PRKN: variants seen among roughly 807,000 people sequenced by gnomAD.
PRKN encodes the protein E3 ubiquitin-protein ligase parkin.
Under a neutral mutation model 59.5 loss-of-function variants are expected in PRKN, and 56 were observed. The observed-to-expected ratio is 0.94, with a 90% CI of 0.76 to 1.18. PRKN has a LOEUF of 1.18. Ranked by LOEUF, PRKN falls within the 50% of genes most tolerant of loss-of-function variation. The probability of loss-of-function intolerance (pLI) is 0.00; values close to 1 mark genes in which losing one functional copy is unlikely to be tolerated. For missense variants in PRKN, 657 were observed against 596.4 expected, an observed-to-expected ratio of 1.10 and a Z score of -1.06; for synonymous variants, 250 against 222.1, an observed-to-expected ratio of 1.13 and a Z score of -1.12.
intron 9 of PRKN, among the ~76,000 whole-genome samples, chr6:161,508,426 A>G (rs528578775): frequency 6.6e-6 from 1 of 152,322 alleles, no homozygotes; most frequent in Non-Finnish European, 1.5e-5. Context: ...AATATTTTTA[A>G]GTATTTTCTT....
At chr6:162,140,025 T>C (rs1401245428) in intron 4 of PRKN, among the ~76,000 whole-genome samples, 1 of 152,224 alleles carries the variant, frequency 6.6e-6, no homozygotes, top group Non-Finnish European at 1.5e-5. Flanking sequence ...AAAAAGGCAC[T>C]CTGCATGTGA....
intron 1 of PRKN, among the ~76,000 whole-genome samples, chr6:162,493,261 C>A (rs61084735): frequency 0.16 from 24,339 of 152,120 alleles, 2,146 homozygotes; most frequent in Non-Finnish European, 0.18. Flanking sequence ...AGAGGAAGGA[C>A]CAAAGGTGAC....
At chr6:161,814,347 A>G (rs939168248) in intron 6 of PRKN, among the ~76,000 whole-genome samples, 4 of 152,220 alleles carry the variant, frequency 2.6e-5, no homozygotes, top group Non-Finnish European at 5.9e-5. Flanking sequence ...AGAGGTTTCT[A>G]AAGAGACACA....
At chr6:162,319,331 G>A (rs765212981) in intron 2 of PRKN, among the ~76,000 whole-genome samples, 10 of 151,946 alleles carry the variant, frequency 6.6e-5, no homozygotes, top group African/African-American at 9.7e-5. Flanking sequence ...CACAAAGAAA[G>A]TTGAGAACTA....
chr6:162,306,124 T>C (rs1199502518), intron 2 of PRKN, among the ~76,000 whole-genome samples: 1 of 144,562 alleles, frequency 6.9e-6, no homozygotes, highest in Non-Finnish European at 1.5e-5. Context: ...AAATAGTATA[T>C]TGTAAATATT....
intron 6 of PRKN, among the ~76,000 whole-genome samples, chr6:161,877,141 GT>G (rs1486329093): frequency 6.6e-6 from 1 of 152,130 alleles, no homozygotes; most frequent in African/African-American, 2.4e-5. Flanking sequence ...AAGCCACGTA[GT>G]TGCCTGAACC....
chr6:162,684,494 T>G (rs545275960), intron 1 of PRKN, among the ~76,000 whole-genome samples: 1 of 152,152 alleles, frequency 6.6e-6, no homozygotes, highest in African/African-American at 2.4e-5. Flanking sequence ...ACAGCATAAG[T>G]TGAATGACAA....
At chr6:162,451,402 A>G (rs1036699802) in intron 1 of PRKN, among the ~76,000 whole-genome samples, 1 of 150,654 alleles carries the variant, frequency 6.6e-6, no homozygotes, top group Non-Finnish European at 1.5e-5. Context: ...ATGAGTGGAA[A>G]GATATGACAG....
chr6:161,999,339 T>C (rs990110856), intron 5 of PRKN, among the ~76,000 whole-genome samples: 1 of 152,098 alleles, frequency 6.6e-6, no homozygotes, highest in Non-Finnish European at 1.5e-5. Flanking sequence ...TGTGCCCATC[T>C]GGACACTGGA....
chr6:162,452,461 G>A (rs6909476), intron 1 of PRKN, among the ~76,000 whole-genome samples: 68,318 of 151,576 alleles, frequency 0.45, 17,636 homozygotes, highest in African/African-American at 0.71. Flanking sequence ...TGCCAAGTAT[G>A]GCATAATAGG....
At chr6:162,260,665 T>C (rs762425058) in intron 3 of PRKN, among the ~76,000 whole-genome samples, 12 of 152,090 alleles carry the variant, frequency 7.9e-5, no homozygotes, top group Non-Finnish European at 1.6e-4. Flanking sequence ...ATGAATATGG[T>C]TGATAAGAGA....
intron 2 of PRKN, among the ~76,000 whole-genome samples, chr6:162,324,278 G>A (rs1351731778): frequency 6.6e-6 from 1 of 152,076 alleles, no homozygotes; most frequent in Non-Finnish European, 1.5e-5. Context: ...TCTTGAGGCT[G>A]GGAAAGAGTG....
chr6:161,809,735 C>G (rs1453415267), intron 6 of PRKN, among the ~76,000 whole-genome samples: 2 of 151,878 alleles, frequency 1.3e-5, no homozygotes, highest in African/African-American at 4.8e-5. Flanking sequence ...CTTAGGGCAC[C>G]CTTCACACTG....
intron 4 of PRKN, among the ~76,000 whole-genome samples, chr6:162,188,682 C>T (rs185887649): frequency 2.7e-5 from 4 of 150,780 alleles, no homozygotes; most frequent in South Asian, 2.1e-4. Context: ...ATGCTTGAAT[C>T]GTAAGTTTAA....
intron 7 of PRKN, among the ~76,000 whole-genome samples, chr6:161,610,404 G>T (rs557245250): frequency 1.3e-5 from 2 of 151,426 alleles, no homozygotes; most frequent in South Asian, 2.1e-4. Context: ...CAGGTATTTC[G>T]TTGGTTGATT....
At chr6:162,588,903 G>A (rs545999691) in intron 1 of PRKN, among the ~76,000 whole-genome samples, 1 of 152,226 alleles carries the variant, frequency 6.6e-6, no homozygotes, top group South Asian at 2.1e-4. Flanking sequence ...GAAAGCTTCT[G>A]GGTGGCACCT....
intron 9 of PRKN, among the ~76,000 whole-genome samples, chr6:161,524,043 ATTT>A (rs1445319646): frequency 1.3e-5 from 2 of 152,098 alleles, no homozygotes; most frequent in Non-Finnish European, 2.9e-5. Flanking sequence ...AGTTCTCATT[ATTT>A]TTTCATTAAA....
At chr6:162,519,721 A>G (rs986240387) in intron 1 of PRKN, among the ~76,000 whole-genome samples, 1 of 152,122 alleles carries the variant, frequency 6.6e-6, no homozygotes, top group Non-Finnish European at 1.5e-5. Context: ...ATTTATTTTT[A>G]ATATATCTGA....
At chr6:162,461,594 G>T (rs1262843423) in intron 1 of PRKN, among the ~76,000 whole-genome samples, 2 of 151,270 alleles carry the variant, frequency 1.3e-5, no homozygotes, top group African/African-American at 2.4e-5. Flanking sequence ...GCCGAGGTGG[G>T]TGGATCACTT....
Sources: allele counts gnomAD v4.1 joint callset (sites outside exome capture counted in the v4.1 genomes callset), GRCh38; gene constraint gnomAD v4.1.1; transcripts MANE v1.5; gene names NCBI Gene and HGNC (gene_info 2026-07-23, HGNC 2026-07-21).